KIF16B: variants seen among roughly 807,000 people sequenced by gnomAD.
The protein encoded by KIF16B is kinesin family member 16B, also known as kinesin-like protein KIF16B.
A neutral mutation model predicts 156.3 loss-of-function variants in KIF16B; 98 were observed. The ratio of observed to expected loss-of-function variants is 0.63; its 90% confidence interval spans 0.53 to 0.74. The LOEUF (loss-of-function observed/expected upper bound fraction) is 0.74. Ranked by LOEUF, KIF16B falls within the 30% of genes least tolerant of loss-of-function variation. The pLI is 0.00. For synonymous variants in KIF16B, 564 were observed against 583.7 expected (o/e 0.97, Z 0.49); for missense variants, 1,421 against 1,606.5 (o/e 0.88, Z 1.97).
At chr20:16,546,563 T>C (rs187847045) in intron 1 of KIF16B, among the ~76,000 whole-genome samples, 1 of 152,254 alleles carries the variant, frequency 6.6e-6, no homozygotes, top group Non-Finnish European at 1.5e-5. Flanking sequence ...TTTCCCAAAA[T>C]AGGTGCAAGT....
chr20:16,416,612 C>G (rs1313433904), intron 15 of KIF16B, among the ~76,000 whole-genome samples: 2 of 151,892 alleles, frequency 1.3e-5, no homozygotes, highest in African/African-American at 2.4e-5. Context: ...GGAAAAATAG[C>G]TAATGCATGC....
intron 25 of KIF16B, among the ~76,000 whole-genome samples, chr20:16,308,732 T>C (rs2063575981): frequency 6.6e-6 from 1 of 152,244 alleles, no homozygotes; most frequent in Non-Finnish European, 1.5e-5. Context: ...AGGCACTATG[T>C]GAAGCATATG....
chr20:16,496,355 T>C (rs1161994334), intron 11 of KIF16B, among the ~76,000 whole-genome samples: 1 of 152,258 alleles, frequency 6.6e-6, no homozygotes, highest in African/African-American at 2.4e-5. Context: ...CCTGTTTGAA[T>C]TCAAGCAATT....
chr20:16,330,261 G>A (rs1250149662), intron 24 of KIF16B, among the ~76,000 whole-genome samples: 1 of 152,156 alleles, frequency 6.6e-6, no homozygotes, highest in Non-Finnish European at 1.5e-5. Flanking sequence ...TTCCTGAGGG[G>A]TCTTCAGTTG....
chr20:16,381,656 C>G, intron 18 of KIF16B, 38 bp downstream of exon 18: 1 of 1,529,058 alleles, frequency 6.5e-7, no homozygotes, highest in Non-Finnish European at 9.1e-7. Context: ...GGAATCCAGA[C>G]TACAGGAGTG....
At chr20:16,329,511 CT>C (rs1448246122) in intron 24 of KIF16B, among the ~76,000 whole-genome samples, 1 of 152,174 alleles carries the variant, frequency 6.6e-6, no homozygotes, top group Non-Finnish European at 1.5e-5. Context: ...CAAAGATCTG[CT>C]CTCTGGAAGA....
intron 1 of KIF16B, among the ~76,000 whole-genome samples, chr20:16,546,289 T>C (rs2070402973): frequency 6.6e-6 from 1 of 152,212 alleles, no homozygotes; most frequent in African/African-American, 2.4e-5. Flanking sequence ...GCTGCACTGA[T>C]GTACAATTTT....
chr20:16,459,075 AT>A (rs1295475517), intron 12 of KIF16B, among the ~76,000 whole-genome samples: 1 of 151,714 alleles, frequency 6.6e-6, no homozygotes, highest in East Asian at 1.9e-4. Flanking sequence ...TTATGTTATA[AT>A]TTTTTTTAAC....
intron 12 of KIF16B, among the ~76,000 whole-genome samples, chr20:16,464,717 G>C (rs2067439526): frequency 6.6e-6 from 1 of 152,142 alleles, no homozygotes; most frequent in South Asian, 2.1e-4. Context: ...TCCAGACTCA[G>C]TCATTTTTCT....
At chr20:16,317,345 C>T (rs753032959) in intron 24 of KIF16B, among the ~76,000 whole-genome samples, 1 of 152,092 alleles carries the variant, frequency 6.6e-6, no homozygotes, top group African/African-American at 2.4e-5. Flanking sequence ...TCCTGAAGTT[C>T]TATATATTCC....
chr20:16,507,099 C>CAA (rs1555790010), intron 7 of KIF16B, among the ~76,000 whole-genome samples: 6 of 124,704 alleles, frequency 4.8e-5, no homozygotes, highest in Non-Finnish European at 9.9e-5. Context: ...AATCATGTCT[C>CAA]AAAAAAAAAA....
At chr20:16,526,857 C>CCA (rs142768990) in intron 2 of KIF16B, among the ~76,000 whole-genome samples, 1 of 152,162 alleles carries the variant, frequency 6.6e-6, no homozygotes, top group Non-Finnish European at 1.5e-5. Context: ...TCAATGAGCA[C>CCA]CACGTTTTCC....
chr20:16,354,449 T>C (rs576336792), intron 23 of KIF16B, among the ~76,000 whole-genome samples: 1 of 149,980 alleles, frequency 6.7e-6, no homozygotes, highest in East Asian at 2.0e-4. Flanking sequence ...TATTCATGTA[T>C]AATCACATAT....
intron 5 of KIF16B, 87 bp downstream of exon 5, chr20:16,512,739 C>T (rs6131833): frequency 1.2e-6 from 1 of 833,476 alleles, no homozygotes; most frequent in Non-Finnish European, 2.0e-6. Flanking sequence ...ATCTAAAGAC[C>T]TTATCCATTT....
At chr20:16,327,139 A>G (rs980071172) in intron 24 of KIF16B, among the ~76,000 whole-genome samples, 32 of 151,516 alleles carry the variant, frequency 2.1e-4, no homozygotes, top group African/African-American at 7.5e-4. Flanking sequence ...GAAACAAGAT[A>G]ATGGCATTTG....
intron 12 of KIF16B, among the ~76,000 whole-genome samples, chr20:16,452,891 C>A (rs990151232): frequency 2.0e-5 from 3 of 147,396 alleles, no homozygotes; most frequent in African/African-American, 7.5e-5. Context: ...GGATGAAAAA[C>A]GAAGAAAAAA....
In KIF16B at chr20:16,561,109, G is replaced by A. The variant is rs1021793350; in HGVS notation, c.47+12120C>T. On this transcript the variant is annotated intron_variant, in intron 1 of 25. Transcript: ENST00000354981. ...GTTCAAGACCAGCCTAGCCAACATGGTGAAACCCCGTCTCTACTAAAACTG... is the reference window on the plus strand; with the variant it reads ...GTTCAAGACCAGCCTAGCCAACATGATGAAACCCCGTCTCTACTAAAACTG... Among the ~76,000 whole-genome samples, 33 of 152,066 alleles carry A rather than the reference G, an allele frequency of 2.2e-4. 1 individual carries two copies. Among genetic ancestry groups the A allele is most frequent in the Admixed American group, 1.6e-3 (25 of 15,260 alleles).
intron 25 of KIF16B, among the ~76,000 whole-genome samples, chr20:16,287,496 T>A (rs990697794): frequency 1.3e-5 from 2 of 152,220 alleles, no homozygotes; most frequent in Non-Finnish European, 2.9e-5. Flanking sequence ...ATTCAGAGAA[T>A]CTTCTTTATG....
chr20:16,321,316 T>C (rs946275153), intron 24 of KIF16B, among the ~76,000 whole-genome samples: 2 of 152,148 alleles, frequency 1.3e-5, no homozygotes, highest in African/African-American at 4.8e-5. Flanking sequence ...GATTATTCTT[T>C]TTACAAATTT....
Sources: gnomAD v4.1 joint callset for allele counts (sites outside exome capture counted in the v4.1 genomes callset) on GRCh38, gnomAD v4.1.1 for gene constraint, MANE v1.5 for transcripts, NCBI Gene and HGNC (gene_info 2026-07-23, HGNC 2026-07-21) for gene names.